Variants in MYO3A observed in about 807,000 individuals in gnomAD.
MYO3A encodes myosin-IIIa.
Under a neutral mutation model 192.7 loss-of-function variants are expected in MYO3A, and 180 were observed. That is an observed-to-expected ratio of 0.93 (90% CI 0.83 to 1.06). The LOEUF (loss-of-function observed/expected upper bound fraction) is 1.06. Among genes scored for constraint, MYO3A ranks in the 50% least tolerant of loss-of-function variants. The pLI, the probability that MYO3A is intolerant of heterozygous loss-of-function variation, is 0.00. For synonymous variants in MYO3A, 628 were observed against 645.3 expected, an observed-to-expected ratio of 0.97 and a Z score of 0.41; for missense variants, 1,896 against 1,905.0, an observed-to-expected ratio of 1.00 and a Z score of 0.09.
chr10:26,175,465 A>G (rs1842278968), intron 30 of MYO3A, among the ~76,000 whole-genome samples: 1 of 152,208 alleles, frequency 6.6e-6, no homozygotes, highest in South Asian at 2.1e-4. Flanking sequence ...AATAAAAGAA[A>G]TATCATAATG....
intron 20 of MYO3A, among the ~76,000 whole-genome samples, chr10:26,135,889 C>A (rs1839818253): frequency 6.7e-6 from 1 of 149,406 alleles, no homozygotes; most frequent in African/African-American, 2.5e-5. Flanking sequence ...TCGCTTGAAC[C>A]CAGGGGCCAG....
In MYO3A at chr10:26,034,924, A is replaced by AGT. The variant is rs370942096; in HGVS notation, c.953+8393_953+8394insTG. 6.9e-3 allele frequency among the ~76,000 whole-genome samples: 1,037 copies of AGT among 151,112 alleles called. 4 individuals carry two copies. Among genetic ancestry groups the AGT allele is most frequent in the Admixed American group, 0.011 (170 of 15,174 alleles). ...ATGTTTTTGTGTTTTTTTTACATGA[A>AGT]GCGTGTGTGTGTGTGTGTGTGCGCA... On this transcript the variant is annotated intron_variant, in intron 10 of 34. Coordinates refer to ENST00000642920, the MANE Select transcript of MYO3A (RefSeq NM_017433.5).
At chr10:26,052,388 T>A (rs1320957387) in intron 10 of MYO3A, among the ~76,000 whole-genome samples, 1 of 152,226 alleles carries the variant, frequency 6.6e-6, no homozygotes, top group East Asian at 1.9e-4. Context: ...TTGGTCACTA[T>A]GATATCTGTC....
At chr10:25,974,642 A>T (rs1442862900) in intron 4 of MYO3A, among the ~76,000 whole-genome samples, 1 of 152,218 alleles carries the variant, frequency 6.6e-6, no homozygotes, top group Admixed American at 6.5e-5. Flanking sequence ...GATGGCTCAA[A>T]TGCCACAGAC....
intron 15 of MYO3A, 149 bp from the exon 16 acceptor site, chr10:26,096,229 GACA>G: frequency 1.6e-6 from 1 of 626,808 alleles, no homozygotes; most frequent in East Asian, 2.8e-5. Context: ...TGAAAATAAT[GACA>G]ACAATAATGA....
chr10:26,079,269 C>G (rs546237874), intron 14 of MYO3A, among the ~76,000 whole-genome samples: 1 of 151,974 alleles, frequency 6.6e-6, no homozygotes, highest in Non-Finnish European at 1.5e-5. Context: ...TATAATGTCC[C>G]TCTTTGTCTC....
At chr10:26,091,578 T>C (rs139251659) in intron 15 of MYO3A, among the ~76,000 whole-genome samples, 1 of 152,300 alleles carries the variant, frequency 6.6e-6, no homozygotes, top group Non-Finnish European at 1.5e-5. Flanking sequence ...ATAGGAGACA[T>C]AAATAAGTGG....
At chr10:26,204,111 C>T (rs931621282) in intron 34 of MYO3A, 1 of 152,104 alleles carries the variant, frequency 6.6e-6, no homozygotes, top group Non-Finnish European at 1.5e-5. Flanking sequence ...GATATTTGCC[C>T]TTTGCCTCCA....
chr10:26,197,828 A>G (rs1208927421), intron 32 of MYO3A, among the ~76,000 whole-genome samples: 1 of 152,208 alleles, frequency 6.6e-6, no homozygotes, highest in Non-Finnish European at 1.5e-5. Flanking sequence ...GGCCTCCCAA[A>G]GTGCTGGAAT....
intron 31 of MYO3A, among the ~76,000 whole-genome samples, chr10:26,192,490 A>G (rs1223352551): frequency 1.3e-5 from 2 of 152,116 alleles, no homozygotes; most frequent in Non-Finnish European, 2.9e-5. Flanking sequence ...GAAGGGACAG[A>G]AGAGGTTCTG....
rs146694604 is a variant in MYO3A, at chr10:26,200,085, C to G, written c.4546-1180C>G. Among the ~76,000 whole-genome samples the G allele has an allele frequency of 3.9e-5, 6 of 152,304 alleles. 1 individual carries two copies. In the East Asian group the frequency reaches 1.2e-3, roughly 29 times the overall value. On this transcript the variant is annotated intron_variant, in intron 32 of 34. Coordinates refer to ENST00000642920, the MANE Select transcript of MYO3A (RefSeq NM_017433.5). ...TGTGAAGTGACAGGAAACGGGAGAA[C>G]AGGAATGTAATTGATATCCTGCCCT...
At chr10:26,046,607 A>G (rs549444097) in intron 10 of MYO3A, among the ~76,000 whole-genome samples, 1 of 152,326 alleles carries the variant, frequency 6.6e-6, no homozygotes, top group African/African-American at 2.4e-5. Flanking sequence ...ACAACCCAAA[A>G]TAGATTACCA....
chr10:26,036,525 C>G (rs1287591661), intron 10 of MYO3A, among the ~76,000 whole-genome samples: 1 of 152,128 alleles, frequency 6.6e-6, no homozygotes, highest in Non-Finnish European at 1.5e-5. Context: ...AAGGCCTGGA[C>G]CATTTTCTCT....
intron 6 of MYO3A, among the ~76,000 whole-genome samples, chr10:26,007,144 C>G (rs1016664799): frequency 1.3e-5 from 2 of 148,446 alleles, no homozygotes; most frequent in Non-Finnish European, 3.0e-5. Flanking sequence ...ATGATTATCT[C>G]AACAGATGCA....
At chr10:25,940,798 T>C (rs1836438886) in intron 2 of MYO3A, among the ~76,000 whole-genome samples, 1 of 152,214 alleles carries the variant, frequency 6.6e-6, no homozygotes, top group Non-Finnish European at 1.5e-5. Context: ...TCCAATTATT[T>C]TCCTCTGTAT....
chr10:25,968,154 G>A (rs1838378919), intron 4 of MYO3A, among the ~76,000 whole-genome samples: 1 of 151,902 alleles, frequency 6.6e-6, no homozygotes, highest in Non-Finnish European at 1.5e-5. Context: ...CTAATGAGAA[G>A]GATTATAAAA....
At chr10:26,163,946 A>G (rs1169764047) in intron 26 of MYO3A, among the ~76,000 whole-genome samples, 1 of 152,138 alleles carries the variant, frequency 6.6e-6, no homozygotes, top group Non-Finnish European at 1.5e-5. Flanking sequence ...GAGGCAGGGG[A>G]CATTAGGTGG....
chr10:25,996,839 T>C (rs1260117003), intron 5 of MYO3A, among the ~76,000 whole-genome samples: 6 of 152,200 alleles, frequency 3.9e-5, no homozygotes, highest in Non-Finnish European at 8.8e-5. Context: ...GTGATAGTGA[T>C]GAAGGTAGAA....
chr10:26,087,417 A>G lies in MYO3A; in HGVS notation c.1360-786A>G, dbSNP rs935681274. ...ATAGAAACTTTGCAGTAACTCTAAC[A>G]TAGTTGATCTCGGTAAAGTATTAAG... On this transcript the variant is annotated intron_variant, in intron 14 of 34. Coordinates refer to ENST00000642920, the MANE Select transcript of MYO3A (RefSeq NM_017433.5). Among the ~76,000 whole-genome samples the G allele has an allele frequency of 2.0e-5, 3 of 152,168 alleles. No homozygotes were observed. The East Asian group carries it at 5.8e-4, about 29-fold the overall frequency.
Sources: allele counts gnomAD v4.1 joint callset (sites outside exome capture counted in the v4.1 genomes callset), GRCh38; gene constraint gnomAD v4.1.1; transcripts MANE v1.5; gene names NCBI Gene and HGNC (gene_info 2026-07-23, HGNC 2026-07-21).